The following CCNI variants were observed in gnomAD, a reference collection of about 807,000 sequenced individuals.
The protein encoded by CCNI is cyclin-I.
In CCNI, 14 loss-of-function variants were observed where a neutral mutation model predicts 34.1. That is an observed-to-expected ratio of 0.41 (90% CI 0.27 to 0.64). The LOEUF (loss-of-function observed/expected upper bound fraction) is 0.64. Among genes scored for constraint, CCNI ranks in the 30% least tolerant of loss-of-function variants. The probability of loss-of-function intolerance (pLI) is 0.31; values close to 1 mark genes in which losing one functional copy is unlikely to be tolerated. For missense variants in CCNI, 385 were observed against 440.5 expected, an observed-to-expected ratio of 0.87 and a Z score of 1.13; for synonymous variants, 154 against 158.4, an observed-to-expected ratio of 0.97 and a Z score of 0.21.
intron 3 of CCNI, 60 bp from the exon 4 acceptor site, chr4:77,056,383 T>C (rs1728232130): frequency 2.3e-6 from 3 of 1,281,834 alleles, no homozygotes; most frequent in East Asian, 2.3e-5. Flanking sequence ...ATTTAACTTT[T>C]TGTAACTGTT....
chr4:77,059,998 G>A (rs1301127548), intron 2 of CCNI, among the ~76,000 whole-genome samples: 1 of 152,102 alleles, frequency 6.6e-6, no homozygotes, highest in African/African-American at 2.4e-5. Flanking sequence ...AACTGGGAAG[G>A]CTTTTAGGGA....
chr4:77,062,348 C>T (rs1405882776), intron 2 of CCNI, among the ~76,000 whole-genome samples: 1 of 152,190 alleles, frequency 6.6e-6, no homozygotes, highest in Non-Finnish European at 1.5e-5. Context: ...AGGAAAACTG[C>T]TTGAGCCCAG....
intron 6 of CCNI, among the ~76,000 whole-genome samples, chr4:77,050,058 T>G (rs1028237047): frequency 2.0e-5 from 3 of 152,304 alleles, no homozygotes; most frequent in East Asian, 3.9e-4. Flanking sequence ...TTTCTAGCCT[T>G]ATTTCCTAGC....
intron 2 of CCNI, chr4:77,065,169 G>C (rs1405579249): frequency 6.6e-6 from 1 of 152,142 alleles, no homozygotes; most frequent in Admixed American, 6.5e-5. Context: ...TTGTGGGAAA[G>C]AATAAGTAGG....
chr4:77,058,174 G>T (rs1255674094), intron 3 of CCNI, among the ~76,000 whole-genome samples: 3 of 152,100 alleles, frequency 2.0e-5, no homozygotes, highest in African/African-American at 7.2e-5. Context: ...GGCCAACACG[G>T]CAAAACCCTG....
chr4:77,064,262 T>C (rs1201758348), intron 2 of CCNI, among the ~76,000 whole-genome samples: 2 of 149,232 alleles, frequency 1.3e-5, no homozygotes, highest in Admixed American at 6.7e-5. Flanking sequence ...AAAAAAGAAA[T>C]AGGTCAGATT....
chr4:77,074,858 C>G (rs1178098348), intron 1 of CCNI: 2 of 152,152 alleles, frequency 1.3e-5, no homozygotes, highest in East Asian at 3.9e-4. Context: ...TGTAACGGAG[C>G]CCCCTAGCTC....
chr4:77,065,334 A>G (rs1357721826), intron 2 of CCNI, among the ~76,000 whole-genome samples: 3 of 152,264 alleles, frequency 2.0e-5, no homozygotes, highest in Admixed American at 6.5e-5. Context: ...TCCAAGCACC[A>G]TGTTAGATAT....
intron 6 of CCNI, among the ~76,000 whole-genome samples, chr4:77,054,665 C>T (rs1299892362): frequency 6.6e-6 from 1 of 152,204 alleles, no homozygotes; most frequent in Admixed American, 6.5e-5. Flanking sequence ...AATAATGGAA[C>T]TGCCAGGGAA....
intron 1 of CCNI, among the ~76,000 whole-genome samples, chr4:77,069,456 ATACTT>A (rs1037283764): frequency 2.6e-5 from 4 of 151,670 alleles, no homozygotes; most frequent in African/African-American, 7.3e-5. Context: ...TTTTATTATT[ATACTT>A]TAAGTTCTAG....
Position 77,051,280 on chromosome 4 carries a change from A to G in CCNI, c.691-2618T>C, listed in dbSNP as rs1034100796. On this transcript the variant is annotated intron_variant, in intron 6 of 6. Transcript: ENST00000237654. Reference sequence around the variant, plus strand: ...TGAAATGTTCTTTAGCAAATGAATGATATTTATTGGCCTAAAAAGGTAAAG... The same window carrying G: ...TGAAATGTTCTTTAGCAAATGAATGGTATTTATTGGCCTAAAAAGGTAAAG... Among the ~76,000 whole-genome samples the G allele has an allele frequency of 2.0e-5, 3 of 152,220 alleles. No individual in the cohort carries two copies. The East Asian group carries it at 5.8e-4, about 29-fold the overall frequency.
chr4:77,049,980 AC>A (rs1228420401), intron 6 of CCNI, among the ~76,000 whole-genome samples: 1 of 152,158 alleles, frequency 6.6e-6, no homozygotes, highest in Non-Finnish European at 1.5e-5. Context: ...CCCAATGCCT[AC>A]CAGAAATAAG....
At position 77,075,642 on chromosome 4, in the gene CCNI, G is replaced by A. The variant is rs1011765051; in HGVS notation, c.-214C>T. 2.7e-5 allele frequency: 24 copies of A among 874,318 alleles called. No homozygotes were observed. The highest frequency in any genetic ancestry group is 5.3e-5 in the South Asian group (1 of 18,748). The allele number at this position is 874,318 out of a possible 1,614,324, so 54.2% of individuals were successfully genotyped here. On this transcript the variant is annotated 5_prime_UTR_variant, in exon 1 of 7. Transcript: ENST00000237654. ...GAGGGAGAAAGGGGAAGCGGATCGGGGGGCGCGGGCGCGGGCGCTGGCGCT... is the reference window on the plus strand; with the variant it reads ...GAGGGAGAAAGGGGAAGCGGATCGGAGGGCGCGGGCGCGGGCGCTGGCGCT...
At chr4:77,067,581 C>A (rs1040272384) in intron 1 of CCNI, among the ~76,000 whole-genome samples, 3 of 151,696 alleles carry the variant, frequency 2.0e-5, no homozygotes, top group East Asian at 1.9e-4. Flanking sequence ...GCCTCGAACT[C>A]CTGGGTTCAG....
chr4:77,074,990 T>A (rs575108036), intron 1 of CCNI: 1 of 66,778 alleles, frequency 1.5e-5, no homozygotes, highest in South Asian at 5.2e-4. Flanking sequence ...CTGGGTAACG[T>A]TGCCCTCCCC....
At chr4:77,049,854 G>A (rs1386509930) in intron 6 of CCNI, among the ~76,000 whole-genome samples, 6 of 152,046 alleles carry the variant, frequency 3.9e-5, no homozygotes. Context: ...GTACATGGAA[G>A]GCCTTTAAAT....
chr4:77,056,738 G>A (rs1392707353), intron 3 of CCNI, among the ~76,000 whole-genome samples: 1 of 151,748 alleles, frequency 6.6e-6, no homozygotes, highest in African/African-American at 2.4e-5. Context: ...TACAACGCCC[G>A]CCACCACGCC....
intron 1 of CCNI, 97 bp downstream of exon 1, chr4:77,075,363 GGCCAAGGGCGCT>G (rs1002070769): frequency 4.6e-5 from 12 of 259,926 alleles, no homozygotes; most frequent in Admixed American, 2.6e-4. Context: ...AGCAGCGCGC[GGCCAAGGGCGCT>G]GCCACGGGGG....
At chr4:77,067,396 A>G (rs1190249639) in intron 1 of CCNI, among the ~76,000 whole-genome samples, 2 of 152,238 alleles carry the variant, frequency 1.3e-5, no homozygotes, top group African/African-American at 2.4e-5. Context: ...AAAGCTCCAC[A>G]GTACATTGAC....
Sources: allele counts gnomAD v4.1 joint callset (sites outside exome capture counted in the v4.1 genomes callset), GRCh38; gene constraint gnomAD v4.1.1; transcripts MANE v1.5; gene names NCBI Gene and HGNC (gene_info 2026-07-23, HGNC 2026-07-21).